The following CRPPA variants were observed in gnomAD, a reference collection of about 807,000 sequenced individuals.
The protein encoded by CRPPA is D-ribitol-5-phosphate cytidylyltransferase.
In CRPPA, 43 loss-of-function variants were observed where a neutral mutation model predicts 52.0. The observed-to-expected ratio is 0.83, with a 90% CI of 0.65 to 1.07. CRPPA has a LOEUF of 1.07. Among genes scored for constraint, CRPPA ranks in the 50% least tolerant of loss-of-function variants. CRPPA has a pLI of 0.00. For synonymous variants in CRPPA, 250 were observed against 203.5 expected (o/e 1.23, Z -1.94); for missense variants, 629 against 551.7 (o/e 1.14, Z -1.40).
At position 16,258,474 on chromosome 7, in the gene CRPPA, G is replaced by A; in HGVS notation, c.1035C>T (p.Thr345=). 1 of 1,594,152 alleles carries A rather than the reference G, an allele frequency of 6.3e-7. No individual in the cohort carries two copies. Among genetic ancestry groups the A allele is most frequent in the Non-Finnish European group, 8.6e-7 (1 of 1,169,224 alleles). ...CYNFVCVNVT[T]SDFQETQKLL... ...ACTTCTGGGTTTCTTGAAAATCAGA[G>A]GTTGTAACCTAAAAGACCAGAAAAA... The change falls in exon 8 of 10, where the codon ACC becomes ACT. Residue 345 remains threonine (T), a synonymous_variant. Transcript: ENST00000407010.
intron 2 of CRPPA, among the ~76,000 whole-genome samples, chr7:16,379,903 G>A (rs1416589290): frequency 6.6e-6 from 1 of 152,094 alleles, no homozygotes; most frequent in Non-Finnish European, 1.5e-5. Flanking sequence ...AGACAATGGG[G>A]TTTTCTAGAT....
chr7:16,093,400 C>A (rs1160068971), intron 9 of CRPPA, among the ~76,000 whole-genome samples: 1 of 152,090 alleles, frequency 6.6e-6, no homozygotes, highest in Non-Finnish European at 1.5e-5. Flanking sequence ...ATTATTGAAG[C>A]CTCACCACAA....
rs28463725 is a variant in CRPPA at position 16,089,540 on chromosome 7, T to G, written c.*2155A>C. On this transcript the variant is annotated 3_prime_UTR_variant, in exon 10 of 10. Transcript: ENST00000407010. ...GGGTATATATGTACGTACATACATA[T>G]ATATGTATATACATGTAAGTATATA... The G allele has an allele frequency of 1.2e-3, 275 of 237,134 alleles. 3 individuals are homozygous for G. Among genetic ancestry groups the G allele is most frequent in the East Asian group, 9.7e-3 (114 of 11,772 alleles). The allele number at this position is 237,134 out of a possible 1,614,324, so 14.7% of individuals were successfully genotyped here.
At chr7:16,336,194 G>T (rs1267668323) in intron 3 of CRPPA, among the ~76,000 whole-genome samples, 1 of 151,480 alleles carries the variant, frequency 6.6e-6, no homozygotes, top group Non-Finnish European at 1.5e-5. Flanking sequence ...TAGATAGTAC[G>T]TAGTTGCACT....
Position 16,157,929 on chromosome 7 carries a change from G to C in CRPPA, c.1251+58137C>G, listed in dbSNP as rs550425978. On this transcript the variant is annotated intron_variant, in intron 9 of 9. Coordinates refer to ENST00000407010, the MANE Select transcript of CRPPA (RefSeq NM_001101426.4). ...TCACTCTGTCGCCCAGGCTGGAATA[G>C]AGCAGTGCAATCTTGGCCCACTGCA... Among the ~76,000 whole-genome samples the C allele has an allele frequency of 7.3e-5, 11 of 151,346 alleles. No homozygotes were observed. The South Asian group carries it at 1.7e-3, about 23-fold the overall frequency.
chr7:16,089,384 A>G lies in CRPPA; in HGVS notation c.*2311T>C, dbSNP rs1781774929. 5.2e-6 allele frequency: 2 copies of G among 385,030 alleles called. No homozygotes were observed. The highest frequency in any genetic ancestry group is 3.5e-5 in the South Asian group (2 of 57,482). The allele number at this position is 385,030 out of a possible 1,614,324, so 23.9% of individuals were successfully genotyped here. ...CATACATGCATGTACATATATACGT[A>G]TATATGTATGTACATAATGTGTATA... On this transcript the variant is annotated 3_prime_UTR_variant, in exon 10 of 10. Transcript: ENST00000407010.
At chr7:16,250,853 A>G (rs558769248) in intron 8 of CRPPA, among the ~76,000 whole-genome samples, 40 of 152,352 alleles carry the variant, frequency 2.6e-4, no homozygotes, top group Admixed American at 4.6e-4. Flanking sequence ...TCATAACGAT[A>G]GGATCAAATT....
At chr7:16,274,563 T>A (rs954327754) in intron 6 of CRPPA, among the ~76,000 whole-genome samples, 32 of 152,132 alleles carry the variant, frequency 2.1e-4, no homozygotes, top group African/African-American at 7.7e-4. Flanking sequence ...TAAAAAAAAA[T>A]AAAAAGTCTA....
chr7:16,286,099 T>G (rs200704775), intron 5 of CRPPA, among the ~76,000 whole-genome samples: 1 of 47,950 alleles, frequency 2.1e-5, no homozygotes, highest in Admixed American at 2.7e-4. Flanking sequence ...AAAAAAAAAA[T>G]ATATATATAT....
intron 3 of CRPPA, among the ~76,000 whole-genome samples, chr7:16,327,462 G>A (rs953415645): frequency 1.3e-5 from 2 of 151,814 alleles, no homozygotes; most frequent in South Asian, 2.1e-4. Context: ...GCGCGGTGGC[G>A]GGCGCCTGTA....
chr7:16,332,201 C>G (rs1173050217), intron 3 of CRPPA, among the ~76,000 whole-genome samples: 1 of 152,070 alleles, frequency 6.6e-6, no homozygotes, highest in Non-Finnish European at 1.5e-5. Flanking sequence ...AGAATTCTAT[C>G]TTCTGAAACT....
intron 3 of CRPPA, among the ~76,000 whole-genome samples, chr7:16,316,957 C>T (rs1328076303): frequency 6.6e-6 from 1 of 152,112 alleles, no homozygotes; most frequent in Non-Finnish European, 1.5e-5. Flanking sequence ...GATCTGGCTA[C>T]CATCGTGATA....
At chr7:16,390,914 G>C (rs947519800) in intron 2 of CRPPA, among the ~76,000 whole-genome samples, 1 of 152,074 alleles carries the variant, frequency 6.6e-6, no homozygotes, top group East Asian at 1.9e-4. Flanking sequence ...TGGTCTGTTA[G>C]GCTTAGTTCA....
At chr7:16,313,495 G>A (rs1436691725) in intron 3 of CRPPA, among the ~76,000 whole-genome samples, 1 of 151,776 alleles carries the variant, frequency 6.6e-6, no homozygotes. Context: ...CCAGATTTTG[G>A]TCTGGTAGAT....
intron 9 of CRPPA, among the ~76,000 whole-genome samples, chr7:16,105,547 G>A (rs182141550): frequency 2.6e-5 from 4 of 152,150 alleles, no homozygotes; most frequent in African/African-American, 7.2e-5. Flanking sequence ...TTGGGATCAG[G>A]TAGAAACAAA....
At chr7:16,394,096 G>C (rs1787511268) in intron 2 of CRPPA, among the ~76,000 whole-genome samples, 1 of 152,072 alleles carries the variant, frequency 6.6e-6, no homozygotes, top group African/African-American at 2.4e-5. Flanking sequence ...TTCAAGACAA[G>C]TTTGGAAAAT....
At chr7:16,185,555 G>A (rs1291878848) in intron 9 of CRPPA, among the ~76,000 whole-genome samples, 1 of 152,154 alleles carries the variant, frequency 6.6e-6, no homozygotes, top group East Asian at 1.9e-4. Flanking sequence ...TGTGGCTCCT[G>A]CCTGGCTTCT....
Position 16,216,037 on chromosome 7 carries a change from TACATTCGGAAGATAA to T in CRPPA, c.1251+14_1251+28del, listed in dbSNP as rs774170210. ...ACCATTAAAACTAGTCTACAGAACA[TACATTCGGAAGATAA>T]ACATTTTACCTACCTGTGGGTAAGA... On this transcript the variant is annotated intron_variant, in intron 9 of 9. Coordinates refer to ENST00000407010, the MANE Select transcript of CRPPA (RefSeq NM_001101426.4). The T allele has an allele frequency of 6.5e-7, 1 of 1,532,738 alleles. No individual in the cohort carries two copies. Among genetic ancestry groups the T allele is most frequent in the South Asian group, 1.2e-5 (1 of 81,430 alleles). The allele number at this position is 1,532,738 out of a possible 1,614,324, so 94.9% of individuals were successfully genotyped here. A position where few individuals can be genotyped will look rare whatever the true frequency, so the allele number is the denominator to read the frequency against.
chr7:16,295,364 T>G (rs1784649526), intron 5 of CRPPA, among the ~76,000 whole-genome samples: 1 of 152,012 alleles, frequency 6.6e-6, no homozygotes, highest in South Asian at 2.1e-4. Flanking sequence ...AAAGATTAAC[T>G]AAAGCCAGTT....
Sources: allele counts gnomAD v4.1 joint callset (sites outside exome capture counted in the v4.1 genomes callset), GRCh38; gene constraint gnomAD v4.1.1; transcripts MANE v1.5; gene names NCBI Gene and HGNC (gene_info 2026-07-23, HGNC 2026-07-21).